Variants in KLHL14 observed in about 807,000 individuals in gnomAD.
The protein encoded by KLHL14 is kelch-like protein 14.
A neutral mutation model predicts 64.3 loss-of-function variants in KLHL14; 22 were observed. The ratio of observed to expected loss-of-function variants is 0.34; its 90% CI spans 0.24 to 0.49. The LOEUF is 0.49. Ranked by LOEUF, KLHL14 falls within the 20% of genes least tolerant of loss-of-function variation. The probability of loss-of-function intolerance (pLI) is 0.99; values close to 1 mark genes in which losing one functional copy is unlikely to be tolerated. For missense variants in KLHL14, 661 were observed against 789.0 expected (o/e 0.84, Z 1.94); for synonymous variants, 322 against 333.4 (o/e 0.97, Z 0.37).
intron 5 of KLHL14, 74 bp downstream of exon 5, chr18:32,687,081 C>G: frequency 1.6e-6 from 2 of 1,288,504 alleles, no homozygotes; most frequent in Admixed American, 1.7e-5. Context: ...TTCCTTCTTA[C>G]AAAAAACCAC....
At chr18:32,705,182 C>T (rs2049984113) in intron 3 of KLHL14, among the ~76,000 whole-genome samples, 1 of 152,172 alleles carries the variant, frequency 6.6e-6, no homozygotes, top group African/African-American at 2.4e-5. Flanking sequence ...AGATCAATGT[C>T]TGAAATCTTA....
At chr18:32,685,565 CAG>C (rs1482955746) in intron 5 of KLHL14, among the ~76,000 whole-genome samples, 1 of 152,120 alleles carries the variant, frequency 6.6e-6, no homozygotes, top group Admixed American at 6.5e-5. Context: ...AAGAGAGAAA[CAG>C]GGTGCACTGG....
intron 3 of KLHL14, among the ~76,000 whole-genome samples, chr18:32,708,491 A>G (rs552322237): frequency 1.6e-4 from 24 of 152,268 alleles, no homozygotes; most frequent in African/African-American, 5.3e-4. Context: ...GCCCTATTCA[A>G]TCTCTCCCCA....
intron 4 of KLHL14, among the ~76,000 whole-genome samples, chr18:32,691,569 C>A (rs1000020346): frequency 6.6e-6 from 1 of 151,898 alleles, no homozygotes; most frequent in African/African-American, 2.4e-5. Context: ...AAAAATAGGT[C>A]AAGAATGGAG....
chr18:32,718,458 C>T (rs2050057466), intron 3 of KLHL14, among the ~76,000 whole-genome samples: 1 of 152,238 alleles, frequency 6.6e-6, no homozygotes, highest in African/African-American at 2.4e-5. Flanking sequence ...AGATATTTCC[C>T]CCCAGACTTA....
intron 3 of KLHL14, among the ~76,000 whole-genome samples, chr18:32,714,131 A>T (rs897829841): frequency 1.3e-5 from 2 of 152,174 alleles, no homozygotes; most frequent in African/African-American, 4.8e-5. Flanking sequence ...ATTTACTAAA[A>T]TTACAAATTG....
intron 3 of KLHL14, among the ~76,000 whole-genome samples, chr18:32,722,689 A>G (rs1042166175): frequency 2.0e-5 from 3 of 152,226 alleles, no homozygotes; most frequent in Non-Finnish European, 4.4e-5. Flanking sequence ...CAGGCCAGGT[A>G]CAGTGGTTCA....
intron 2 of KLHL14, chr18:32,743,215 A>G (rs987230318): frequency 6.6e-6 from 1 of 152,252 alleles, no homozygotes; most frequent in African/African-American, 2.4e-5. Flanking sequence ...AAAAAAGTCA[A>G]TAAATACAAA....
chr18:32,676,809 T>G (rs2049813413), intron 8 of KLHL14, among the ~76,000 whole-genome samples: 1 of 152,198 alleles, frequency 6.6e-6, no homozygotes, highest in Non-Finnish European at 1.5e-5. Context: ...TTCATGAATA[T>G]TGGAGAATGA....
At chr18:32,765,959 G>A (rs1220894874) in intron 2 of KLHL14, among the ~76,000 whole-genome samples, 2 of 152,132 alleles carry the variant, frequency 1.3e-5, no homozygotes, top group Non-Finnish European at 1.5e-5. Context: ...TACATGGGAC[G>A]TAATAGCTAG....
intron 2 of KLHL14, among the ~76,000 whole-genome samples, chr18:32,769,364 T>G (rs1189084065): frequency 1.3e-5 from 2 of 152,196 alleles, no homozygotes; most frequent in Non-Finnish European, 2.9e-5. Context: ...CCTGTCAATT[T>G]CAGTCTGAGT....
intron 1 of KLHL14, among the ~76,000 whole-genome samples, chr18:32,771,593 G>A (rs1377938230): frequency 6.6e-6 from 1 of 152,096 alleles, no homozygotes; most frequent in Admixed American, 6.5e-5. Flanking sequence ...CCCTTCCAGC[G>A]AGGGGCGGCA....
chr18:32,757,673 A>C (rs769290204), intron 2 of KLHL14, among the ~76,000 whole-genome samples: 2 of 152,228 alleles, frequency 1.3e-5, no homozygotes, highest in African/African-American at 4.8e-5. Flanking sequence ...ATTTAAGTAA[A>C]TAAGTCGAGT....
rs901465417 is a variant in KLHL14 at position 32,686,194 on chromosome 18, T to A, written c.1238+961A>T. On this transcript the variant is annotated intron_variant, in intron 5 of 8. Coordinates refer to ENST00000359358, the MANE Select transcript of KLHL14 (RefSeq NM_020805.3). The stretch of plus-strand genomic sequence containing the variant: ...GCCCGGCTATTTTTTTTTTTTTTTT[T>A]TTTTTTTGTATTTTTTAGTAGAGAC... 4.7e-4 allele frequency among the ~76,000 whole-genome samples: 67 copies of A among 142,602 alleles called. 2 individuals are homozygous for A. The highest frequency in any genetic ancestry group is 3.6e-3 in the Middle Eastern group (1 of 274). 93.6% of individuals were successfully genotyped at this position (142,602 alleles called of 152,430 possible). A position where few individuals can be genotyped will look rare whatever the true frequency, so the allele number is the denominator to read the frequency against.
chr18:32,707,672 GGT>G (rs1252035818), intron 3 of KLHL14, among the ~76,000 whole-genome samples: 3 of 152,192 alleles, frequency 2.0e-5, no homozygotes, highest in African/African-American at 7.2e-5. Context: ...AAGCTTCCCT[GGT>G]AGATAGCAGT....
rs191596826 is a variant in KLHL14, at chr18:32,704,092, C to T, written c.1070-8540G>A. On this transcript the variant is annotated intron_variant, in intron 3 of 8. Transcript: ENST00000359358. The stretch of plus-strand genomic sequence containing the variant: ...AAAGGCTCATGTCAAAAATAGTAAA[C>T]CCTCTAAATGAATTAAAGTAGCAGA... Among the ~76,000 whole-genome samples the T allele has an allele frequency of 5.3e-5, 8 of 152,160 alleles. No homozygotes were observed. In the East Asian group the frequency reaches 1.5e-3, roughly 29 times the overall value.
At chr18:32,754,995 T>C (rs1598577624) in intron 2 of KLHL14, among the ~76,000 whole-genome samples, 1 of 152,052 alleles carries the variant, frequency 6.6e-6, no homozygotes, top group Admixed American at 6.5e-5. Context: ...CTGGCGGGTG[T>C]GTGTGCTGAG....
intron 2 of KLHL14, chr18:32,743,066 G>A (rs944843988): frequency 6.6e-6 from 1 of 152,254 alleles, no homozygotes; most frequent in African/African-American, 2.4e-5. Context: ...GCACACTTGC[G>A]ATTGAAGCAG....
chr18:32,688,622 G>A (rs544586052), intron 4 of KLHL14, among the ~76,000 whole-genome samples: 11 of 152,322 alleles, frequency 7.2e-5, no homozygotes, highest in African/African-American at 2.6e-4. Flanking sequence ...CCTTGGGCTG[G>A]CAGTGAGTTC....
Sources: gnomAD v4.1 joint callset for allele counts (sites outside exome capture counted in the v4.1 genomes callset) on GRCh38, gnomAD v4.1.1 for gene constraint, MANE v1.5 for transcripts, NCBI Gene and HGNC (gene_info 2026-07-23, HGNC 2026-07-21) for gene names.